RP1: variants seen among roughly 807,000 people sequenced by gnomAD.
The protein encoded by RP1 is RP1 axonemal microtubule associated.
Under a neutral mutation model 14.8 loss-of-function variants are expected in RP1, and 16 were observed. The ratio of observed to expected loss-of-function variants is 1.08; its 90% CI spans 0.73 to 1.65. The LOEUF is 1.65. RP1 is among the 40% of genes most tolerant of loss of function. The probability of loss-of-function intolerance (pLI) is 0.00; values close to 1 mark genes in which losing one functional copy is unlikely to be tolerated. For missense variants in RP1, 2,631 were observed against 2,535.0 expected (o/e 1.04, Z -0.81); for synonymous variants, 876 against 883.6 (o/e 0.99, Z 0.15).
At chr8:54,600,507 T>A (rs1182020916) in intron 1 of RP1, among the ~76,000 whole-genome samples, 1 of 152,126 alleles carries the variant, frequency 6.6e-6, no homozygotes, top group Non-Finnish European at 1.5e-5. Context: ...CTGGCTTCCC[T>A]CTGGGCTTCT....
At chr8:54,727,742 T>C (rs1033483596) in intron 17 of RP1, among the ~76,000 whole-genome samples, 1 of 152,000 alleles carries the variant, frequency 6.6e-6, no homozygotes, top group Non-Finnish European at 1.5e-5. Flanking sequence ...AAAACAGACT[T>C]GGTCTCTACC....
rs562560441 is a variant in RP1, at chr8:54,619,438, C to T, written c.-12-1517C>T. ...TTTGTTCAATTTGTCTTCAAGGCTG[C>T]AGGACTTTCTTACTGTGTCAAAAGA... On this transcript the variant is annotated intron_variant, in intron 1 of 3. Coordinates refer to ENST00000220676, the MANE Select transcript of RP1 (RefSeq NM_006269.2). Among the ~76,000 whole-genome samples the T allele has an allele frequency of 7.9e-5, 12 of 152,266 alleles. No individual in the cohort carries two copies. The South Asian group carries it at 2.5e-3, about 32-fold the overall frequency.
At chr8:54,739,488 G>A (rs1451052346) in intron 19 of RP1, among the ~76,000 whole-genome samples, 2 of 151,632 alleles carry the variant, frequency 1.3e-5, no homozygotes, top group African/African-American at 4.9e-5. Flanking sequence ...GTTCATTCTT[G>A]CGAAAGGTTT....
chr8:54,758,674 T>G (rs968925134), intron 21 of RP1, among the ~76,000 whole-genome samples: 1 of 152,176 alleles, frequency 6.6e-6, no homozygotes, highest in African/African-American at 2.4e-5. Context: ...TTACTCTGGA[T>G]GCTACTACAA....
At chr8:54,861,793 G>A (rs1032884019) in intron 27 of RP1, among the ~76,000 whole-genome samples, 1 of 152,010 alleles carries the variant, frequency 6.6e-6, no homozygotes, top group African/African-American at 2.4e-5. Flanking sequence ...TAGTAGAGAC[G>A]GGGTTTTGCC....
At chr8:54,825,779 G>A (rs1450008733) in intron 24 of RP1, among the ~76,000 whole-genome samples, 2 of 152,072 alleles carry the variant, frequency 1.3e-5, no homozygotes, top group African/African-American at 2.4e-5. Flanking sequence ...TTTTGCTTGA[G>A]CTATATAAGA....
rs536474463 is a variant in RP1 at position 54,668,474 on chromosome 8, C to T, written c.1323+4624C>T. 1.1e-4 allele frequency among the ~76,000 whole-genome samples: 16 copies of T among 152,240 alleles called. No individual in the cohort carries two copies. The East Asian group carries it at 2.3e-3, about 22-fold the overall frequency. On this transcript the variant is annotated intron_variant, in intron 7 of 22. Transcript: ENST00000636932. ...CCCAAGGTAATTTATAGATTCAATG[C>T]CATCCCCATCAAGCTACTAATGACT...
intron 12 of RP1, among the ~76,000 whole-genome samples, chr8:54,692,067 T>C (rs1427883035): frequency 1.3e-5 from 2 of 151,816 alleles, no homozygotes; most frequent in Non-Finnish European, 2.9e-5. Flanking sequence ...ACATGTGGTG[T>C]TTGGTTTTTT....
At chr8:54,730,048 T>C (rs1296967115) in intron 17 of RP1, among the ~76,000 whole-genome samples, 2 of 152,096 alleles carry the variant, frequency 1.3e-5, no homozygotes, top group Admixed American at 1.3e-4. Context: ...TCATCATAGA[T>C]TGAGGATTTG....
At chr8:54,812,242 G>A (rs1811016093) in intron 24 of RP1, among the ~76,000 whole-genome samples, 1 of 152,176 alleles carries the variant, frequency 6.6e-6, no homozygotes, top group African/African-American at 2.4e-5. Context: ...CCAGACTCAA[G>A]CGATTCTTGT....
At chr8:54,684,691 C>T (rs975881060) in intron 12 of RP1, among the ~76,000 whole-genome samples, 3 of 152,012 alleles carry the variant, frequency 2.0e-5, no homozygotes, top group Non-Finnish European at 4.4e-5. Flanking sequence ...GTCCATTTGA[C>T]TCTTTTTTCT....
chr8:54,763,029 A>G (rs1426359151), intron 22 of RP1, among the ~76,000 whole-genome samples: 2 of 152,040 alleles, frequency 1.3e-5, no homozygotes, highest in African/African-American at 4.8e-5. Flanking sequence ...AAACAAGGTC[A>G]TGTTCTGAGG....
chr8:54,769,962 G>A, exon 23 of RP1: 1 of 566,652 alleles, frequency 1.8e-6, no homozygotes, highest in Non-Finnish European at 3.0e-6. Flanking sequence ...AAAAACATAT[G>A]TAAAGCTGTG....
intron 19 of RP1, among the ~76,000 whole-genome samples, chr8:54,745,171 C>A (rs1036257145): frequency 6.6e-6 from 1 of 152,082 alleles, no homozygotes; most frequent in African/African-American, 2.4e-5. Context: ...GACTATAAAC[C>A]AGATTGTGCT....
At position 54,624,677 on chromosome 8, in the gene RP1, A is replaced by AT. The variant is rs1563329411; in HGVS notation, c.795_796insT (p.His266SerfsTer16). The AT allele has an allele frequency of 1.2e-6, 2 of 1,613,724 alleles. No individual in the cohort carries two copies. The highest frequency in any genetic ancestry group is 2.7e-5 in the African/African-American group (2 of 74,872). On this transcript the variant is annotated frameshift_variant, in exon 4 of 4. Coordinates refer to ENST00000220676, the MANE Select transcript of RP1 (RefSeq NM_006269.2). LOFTEE classifies it low-confidence loss of function (END_TRUNC). ...CTCTTAAAATCTTTAAAGTAAGCAC[A>AT]CATATGTCTTCAAGCTCAAGGTCCC...
intron 25 of RP1, among the ~76,000 whole-genome samples, chr8:54,843,347 G>T (rs913518259): frequency 6.6e-6 from 1 of 152,124 alleles, no homozygotes; most frequent in African/African-American, 2.4e-5. Flanking sequence ...CTCCCAAAAG[G>T]CTGGGATTAC....
intron 3 of RP1, among the ~76,000 whole-genome samples, chr8:54,639,521 T>C (rs1159206437): frequency 2.0e-5 from 3 of 152,166 alleles, no homozygotes; most frequent in Non-Finnish European, 4.4e-5. Flanking sequence ...TCATTTTGTA[T>C]CCCTACCAAC....
At chr8:54,858,080 A>G (rs959006584) in intron 27 of RP1, among the ~76,000 whole-genome samples, 4 of 152,156 alleles carry the variant, frequency 2.6e-5, no homozygotes, top group African/African-American at 9.7e-5. Flanking sequence ...CTGACAGTAT[A>G]GTTTAATTAG....
At chr8:54,593,588 C>T (rs913370401) in intron 1 of RP1, among the ~76,000 whole-genome samples, 1 of 152,176 alleles carries the variant, frequency 6.6e-6, no homozygotes, top group African/African-American at 2.4e-5. Flanking sequence ...ATCTGGTATA[C>T]ACTGCCACAT....
Sources: allele counts gnomAD v4.1 joint callset (sites outside exome capture counted in the v4.1 genomes callset), GRCh38; gene constraint gnomAD v4.1.1; transcripts MANE v1.5; gene names NCBI Gene and HGNC (gene_info 2026-07-23, HGNC 2026-07-21).